The following PROP1 variants were observed in gnomAD, a reference collection of about 807,000 sequenced individuals.
PROP1 encodes homeobox protein prophet of Pit-1.
A neutral mutation model predicts 22.3 loss-of-function variants in PROP1; 12 were observed. That is an observed-to-expected ratio of 0.54 (90% CI 0.34 to 0.87). The LOEUF (loss-of-function observed/expected upper bound fraction) is 0.87. Among genes scored for constraint, PROP1 ranks in the 40% least tolerant of loss-of-function variants. The probability of loss-of-function intolerance (pLI) is 0.01; values close to 1 mark genes in which losing one functional copy is unlikely to be tolerated. For synonymous variants in PROP1, 112 were observed against 116.7 expected (o/e 0.96, Z 0.26); for missense variants, 278 against 295.1 (o/e 0.94, Z 0.43).
chr5:177,994,005 C>A, intron 2 of PROP1, 101 bp downstream of exon 2: 1 of 1,270,682 alleles, frequency 7.9e-7, no homozygotes, highest in Non-Finnish European at 1.1e-6. Context: ...AGGCCTGTGT[C>A]TGGTGACCAT....
chr5:177,995,803 G>C, intron 1 of PROP1, 22 bp downstream of exon 1: 4 of 1,590,668 alleles, frequency 2.5e-6, no homozygotes, highest in Non-Finnish European at 3.4e-6. Flanking sequence ...AGGGACCCAC[G>C]CACACCGGGA....
At position 177,995,779 on chromosome 5, in the gene PROP1, C is replaced by T. The variant is rs1367944949; in HGVS notation, c.109+46G>A. On this transcript the variant is annotated intron_variant, in intron 1 of 2. Transcript: ENST00000308304. ...TGGAGCCTATGCTTTCAGCCTCACA[C>T]CCGCTGCCTCCTCAGGGACCCACGC... The T allele has an allele frequency of 3.4e-6, 5 of 1,461,222 alleles. No individual in the cohort carries two copies. The African/African-American group carries it at 4.2e-5, about 12-fold the overall frequency. 90.5% of individuals were successfully genotyped at this position (1,461,222 alleles called of 1,614,324 possible).
In PROP1 at chr5:177,996,127, T is replaced by C. The variant is rs141741058; in HGVS notation, c.-194A>G. ...ACTGTCTTTACTTTTTTTCTAATTG[T>C]TTCCTAATTCCCCCTTCCTTGGCTT... On this transcript the variant is annotated 5_prime_UTR_variant, in exon 1 of 3. Transcript: ENST00000308304. The C allele has an allele frequency of 1.4e-5, 9 of 620,794 alleles. No homozygotes were observed. Among genetic ancestry groups the C allele is most frequent in the African/African-American group, 1.1e-4 (6 of 54,698 alleles). 38.5% of individuals were successfully genotyped at this position (620,794 alleles called of 1,614,324 possible).
chr5:177,993,847 G>A (rs969579573), intron 2 of PROP1, among the ~76,000 whole-genome samples: 2 of 152,156 alleles, frequency 1.3e-5, no homozygotes, highest in African/African-American at 4.8e-5. Context: ...GATTACAGGT[G>A]TGAGCTATTG....
chr5:177,992,418 CT>C lies in PROP1; in HGVS notation c.*290del, dbSNP rs1358829667. 1.1e-5 allele frequency: 5 copies of C among 455,156 alleles called. No individual in the cohort carries two copies. The South Asian group carries it at 2.1e-4, about 19-fold the overall frequency. The allele number at this position is 455,156 out of a possible 1,614,324, so 28.2% of individuals were successfully genotyped here. On this transcript the variant is annotated 3_prime_UTR_variant, in exon 3 of 3. Coordinates refer to ENST00000308304, the MANE Select transcript of PROP1 (RefSeq NM_006261.5). ...TAATGAAGGCCCTCACCTCCTAGCC[CT>C]TCAATCATCTCCACTCACCAGCAAC... is the stretch of plus-strand genomic sequence containing the variant.
intron 1 of PROP1, 131 bp from the exon 2 acceptor site, chr5:177,994,469 G>GA: frequency 1.4e-5 from 11 of 767,978 alleles, no homozygotes; most frequent in Non-Finnish European, 2.1e-5. Flanking sequence ...ACAGAGTCTT[G>GA]CTCTGTCTCC....
chr5:177,992,855 G>T lies in PROP1; in HGVS notation c.535C>A (p.Pro179Thr), dbSNP rs768922479. 4.3e-6 allele frequency: 7 copies of T among 1,612,892 alleles called. No individual in the cohort carries two copies. The highest frequency in any genetic ancestry group is 1.7e-5 in the Admixed American group (1 of 59,954). Residue 179 changes from proline (P) to threonine (T), a missense_variant, in exon 3 of 3, where the codon CCC (proline) becomes ACC (threonine). Pro to Thr is a conservative substitution (Grantham distance 38). Transcript: ENST00000308304. ...HPYSHALPSQ[P>T]STGGAFALSH... ...AAAGCAAAGGCGCCTCCTGTGGAGG[G>T]CTGGGAAGGGAGGGCATGGCTGTAG...
At chr5:177,995,667 G>A (rs747566812) in intron 1 of PROP1, among the ~76,000 whole-genome samples, 158 bp downstream of exon 1, 40 of 152,332 alleles carry the variant, frequency 2.6e-4, no homozygotes, top group Non-Finnish European at 5.3e-4. Context: ...AAGCCAAGGG[G>A]TGCTCCAGTC....
At chr5:177,994,820 C>T (rs911675179) in intron 1 of PROP1, among the ~76,000 whole-genome samples, 7 of 152,058 alleles carry the variant, frequency 4.6e-5, no homozygotes, top group African/African-American at 1.7e-4. Context: ...GCCTCTGAGT[C>T]TCTGACACCA....
rs374768444 is a variant in PROP1, at chr5:177,994,379, C to T, written c.110-41G>A. 645 of 1,504,364 alleles carry T rather than the reference C, an allele frequency of 4.3e-4. No individual in the cohort carries two copies. The highest frequency in any genetic ancestry group is 5.4e-4 in the Non-Finnish European group (601 of 1,109,264). 93.2% of individuals were successfully genotyped at this position (1,504,364 alleles called of 1,614,324 possible). ...AGGGAGGGGCGGCTTCTGAGGAGGA[C>T]GCTCCTCGGTGCTGGACCACATGTG... On this transcript the variant is annotated intron_variant, in intron 1 of 2. Transcript: ENST00000308304.
rs587776683 is a variant in PROP1, at chr5:177,994,297, CT to C, written c.150del (p.Arg53AspfsTer112). On this transcript the variant is annotated frameshift_variant, in exon 2 of 3. Transcript: ENST00000308304. LOFTEE classifies it high-confidence loss of function. ...APPCRRLPGAGGGRSRFSPQG... is the reference protein window; with the variant it reads ...APPCRRLPGAXGGRSRFSPQG... ...TGCGGGGAGAACCTTGATCTCCCCC[CT>C]CCTGCACCAGGGAGCCTTCTGCAGG... 6.0e-5 allele frequency: 97 copies of C among 1,611,834 alleles called. No homozygotes were observed. The highest frequency in any genetic ancestry group is 8.0e-5 in the Non-Finnish European group (94 of 1,178,776).
rs1362436965 is a variant in PROP1, at chr5:177,994,233, T to TGGCGGCGCCGGGAGTGCG, written c.197_214dup (p.Pro66_Arg71dup). ...CTGCACTGGGCTGAAGGTGGTGCGG[T>TGGCGGCGCCGGGAGTGCG]GGCGGCGCCGGGAGTGCGGGCGGCC... On this transcript the variant is annotated inframe_insertion, in exon 2 of 3. Transcript: ENST00000308304. 6 of 1,614,018 alleles carry TGGCGGCGCCGGGAGTGCG rather than the reference T, an allele frequency of 3.7e-6. No individual in the cohort carries two copies. In the African/African-American group the frequency reaches 6.7e-5, roughly 18 times the overall value.
At chr5:177,994,440 G>A in intron 1 of PROP1, 102 bp from the exon 2 acceptor site, 1 of 963,026 alleles carries the variant, frequency 1.0e-6, no homozygotes, top group Non-Finnish European at 1.5e-6. Flanking sequence ...GTCCTGTGCT[G>A]CTCCAGTCTT....
rs11371214 is a variant in PROP1 at position 177,993,565 on chromosome 5, AT to A, written c.343-519del. Among the ~76,000 whole-genome samples, 1,197 of 147,322 alleles carry A rather than the reference AT, an allele frequency of 8.1e-3. 16 individuals carry two copies. The highest frequency in any genetic ancestry group is 0.024 in the African/African-American group (977 of 40,058). On this transcript the variant is annotated intron_variant, in intron 2 of 2. Coordinates refer to ENST00000308304, the MANE Select transcript of PROP1 (RefSeq NM_006261.5). ...AACTTCTGTTGGAATTGGCATCACTATTTTTTTTTTTTTGAGACAAAGTTTT... is the reference window on the plus strand; with the variant it reads ...AACTTCTGTTGGAATTGGCATCACTATTTTTTTTTTTTGAGACAAAGTTTT...
At position 177,995,816 on chromosome 5, in the gene PROP1, G is replaced by T; in HGVS notation, c.109+9C>A. 6.2e-7 allele frequency: 1 copy of T among 1,610,472 alleles called. No homozygotes were observed. The highest frequency in any genetic ancestry group is 8.5e-7 in the Non-Finnish European group (1 of 1,177,464). On this transcript the variant is annotated intron_variant, in intron 1 of 2. Transcript: ENST00000308304. ...TCAGGGACCCACGCACACCGGGACG[G>T]TCACTCACCCACCGTGGTGGTCGGG...
Position 177,992,594 on chromosome 5 carries a change from G to C in PROP1, c.*115C>G. The stretch of plus-strand genomic sequence containing the variant: ...CCATTTTTAAATTTCTAATCGCTGA[G>C]CTGACCCTCACCATGCATCTGCTTC... On this transcript the variant is annotated 3_prime_UTR_variant, in exon 3 of 3. Coordinates refer to ENST00000308304, the MANE Select transcript of PROP1 (RefSeq NM_006261.5). 1 of 700,262 alleles carries C rather than the reference G, an allele frequency of 1.4e-6. No individual in the cohort carries two copies. The highest frequency in any genetic ancestry group is 2.8e-5 in the Admixed American group (1 of 36,342). The allele number at this position is 700,262 out of a possible 1,614,324, so 43.4% of individuals were successfully genotyped here.
rs1772668400 is a variant in PROP1, at chr5:177,992,812, TC to T, written c.577del (p.Asp193ThrfsTer43). On this transcript the variant is annotated frameshift_variant, in exon 3 of 3. Transcript: ENST00000308304. LOFTEE classifies it high-confidence loss of function. ...GGCTGGGTGCAAGGTAGGGTACCAG[TC>T]CTCAGACTGGTGTGACAAAGCAAAG... ...GAFALSHQSE[D>X]WYPTLHPAPA... 6.2e-7 allele frequency: 1 copy of T among 1,608,786 alleles called. No homozygotes were observed. Among genetic ancestry groups the T allele is most frequent in the Admixed American group, 1.7e-5 (1 of 59,782 alleles).
Position 177,994,229 on chromosome 5 carries a change from G to A in PROP1, c.219C>T (p.Arg73=). ...CCAACTGCACTGGGCTGAAGGTGGT[G>A]CGGTGGCGGCGCCGGGAGTGCGGGC... The part of the protein sequence containing the change: ...RGRPHSRRRH[R]TTFSPVQLEQ... Residue 73 remains arginine, a synonymous_variant, in exon 2 of 3, where the codon CGC becomes CGT. Coordinates refer to ENST00000308304, the MANE Select transcript of PROP1 (RefSeq NM_006261.5). 6.2e-7 allele frequency: 1 copy of A among 1,614,100 alleles called. No homozygotes were observed. Among genetic ancestry groups the A allele is most frequent in the Non-Finnish European group, 8.5e-7 (1 of 1,179,976 alleles).
intron 2 of PROP1, among the ~76,000 whole-genome samples, chr5:177,993,290 C>T (rs1049036808): frequency 6.6e-6 from 1 of 152,182 alleles, no homozygotes; most frequent in African/African-American, 2.4e-5. Context: ...TGTCAGCTTC[C>T]ACCAAGGAGA....
Sources: gnomAD v4.1 joint callset for allele counts (sites outside exome capture counted in the v4.1 genomes callset) on GRCh38, gnomAD v4.1.1 for gene constraint, MANE v1.5 for transcripts, NCBI Gene and HGNC (gene_info 2026-07-23, HGNC 2026-07-21) for gene names.